KSR2: variants seen among roughly 807,000 people sequenced by gnomAD.
The protein encoded by KSR2 is kinase suppressor of ras 2.
KSR2 carries 25 observed loss-of-function variants against 107.8 expected under a neutral mutation model. That is an observed-to-expected ratio of 0.23 (90% CI 0.17 to 0.32). The LOEUF (loss-of-function observed/expected upper bound fraction) is 0.32. Among genes scored for constraint, KSR2 ranks in the 10% least tolerant of loss-of-function variants. The probability of loss-of-function intolerance (pLI) is 1.00; values close to 1 mark genes in which losing one functional copy is unlikely to be tolerated. For missense variants in KSR2, 887 were observed against 1,268.9 expected (o/e 0.70, Z 4.57); for synonymous variants, 480 against 507.0 (o/e 0.95, Z 0.71).
At chr12:117,616,161 G>A (rs80167347) in intron 5 of KSR2, among the ~76,000 whole-genome samples, 15,022 of 113,974 alleles carry the variant, frequency 0.13, 854 homozygotes, top group Admixed American at 0.21. Flanking sequence ...ACCCTGTCTC[G>A]AAAAAAAAAA....
intron 2 of KSR2, among the ~76,000 whole-genome samples, chr12:117,858,232 A>G (rs560903647): frequency 1.8e-4 from 27 of 152,306 alleles, no homozygotes; most frequent in African/African-American, 6.5e-4. Flanking sequence ...TCTAGAATCG[A>G]ATCGTTTCTA....
intron 1 of KSR2, among the ~76,000 whole-genome samples, chr12:117,919,474 A>C (rs1365040949): frequency 6.6e-6 from 1 of 152,246 alleles, no homozygotes; most frequent in African/African-American, 2.4e-5. Flanking sequence ...TCAAGGAAGC[A>C]TATGCTAGGC....
rs1196765235 is a variant in KSR2 at position 117,582,365 on chromosome 12, G to C, written c.1172-6C>G. The C allele has an allele frequency of 3.1e-6, 5 of 1,612,064 alleles. No individual in the cohort carries two copies. The highest frequency in any genetic ancestry group is 3.4e-6 in the Non-Finnish European group (4 of 1,178,496). On this transcript the variant is annotated splice_polypyrimidine_tract_variant and splice_region_variant and intron_variant, in intron 5 of 19. Coordinates refer to ENST00000339824, the MANE Select transcript of KSR2 (RefSeq NM_173598.6). ...GCGTGGCACTGACAGTGTGTCTACA[G>C]AGAGAAGAGAACAGCCTGTTACACA... is the stretch of plus-strand genomic sequence containing the variant.
intron 3 of KSR2, among the ~76,000 whole-genome samples, chr12:117,815,868 G>T (rs575618622): frequency 6.6e-6 from 1 of 151,968 alleles, no homozygotes; most frequent in African/African-American, 2.4e-5. Context: ...CCAGCTACTC[G>T]GGAGGCTGAG....
intron 1 of KSR2, among the ~76,000 whole-genome samples, chr12:117,915,094 A>G (rs1381019324): frequency 2.0e-5 from 3 of 152,232 alleles, no homozygotes; most frequent in Non-Finnish European, 2.9e-5. Flanking sequence ...TCTTACCCCA[A>G]AATGAAGATT....
Position 117,901,190 on chromosome 12 carries a change from C to T in KSR2, c.181-40759G>A, listed in dbSNP as rs73406640. Among the ~76,000 whole-genome samples, 649 of 152,026 alleles carry T rather than the reference C, an allele frequency of 4.3e-3. 9 individuals are homozygous for T. Among genetic ancestry groups the T allele is most frequent in the African/African-American group, 0.015 (624 of 41,466 alleles). The stretch of plus-strand genomic sequence containing the variant: ...GCAAAATGGGAGGCTGCCAAAAAAA[C>T]GCAGGAATATGATAAATAAACAATA... On this transcript the variant is annotated intron_variant, in intron 1 of 19. Transcript: ENST00000339824.
intron 1 of KSR2, among the ~76,000 whole-genome samples, chr12:117,944,756 G>A (rs988703838): frequency 6.6e-6 from 1 of 151,982 alleles, no homozygotes; most frequent in African/African-American, 2.4e-5. Context: ...TACTCAGAAG[G>A]CTGAAATGAG....
chr12:117,519,855 G>A (rs1022266639), intron 14 of KSR2, among the ~76,000 whole-genome samples: 1 of 152,032 alleles, frequency 6.6e-6, no homozygotes, highest in Non-Finnish European at 1.5e-5. Flanking sequence ...TATTGGAGAA[G>A]CACATAAACA....
intron 3 of KSR2, among the ~76,000 whole-genome samples, chr12:117,839,649 A>G (rs969617873): frequency 2.6e-5 from 4 of 152,200 alleles, no homozygotes; most frequent in Non-Finnish European, 5.9e-5. Flanking sequence ...ATAACTGCCC[A>G]ATGACTATGG....
intron 4 of KSR2, among the ~76,000 whole-genome samples, chr12:117,691,072 G>A (rs1284512046): frequency 6.6e-6 from 1 of 152,202 alleles, no homozygotes; most frequent in East Asian, 1.9e-4. Flanking sequence ...GGCTTCAAGT[G>A]GGACCCAGCA....
intron 1 of KSR2, among the ~76,000 whole-genome samples, chr12:117,909,078 C>T (rs868702345): frequency 2.6e-5 from 4 of 152,238 alleles, no homozygotes; most frequent in Middle Eastern, 3.4e-3. Flanking sequence ...GACCAATATG[C>T]GTGTCCTTAT....
intron 5 of KSR2, among the ~76,000 whole-genome samples, chr12:117,596,651 C>T (rs971793646): frequency 2.6e-5 from 4 of 152,216 alleles, no homozygotes; most frequent in African/African-American, 9.6e-5. Flanking sequence ...AACATCAGCG[C>T]AACAGAACCC....
intron 4 of KSR2, among the ~76,000 whole-genome samples, chr12:117,678,642 T>C (rs1348949060): frequency 6.6e-6 from 1 of 152,158 alleles, no homozygotes; most frequent in East Asian, 1.9e-4. Flanking sequence ...AGGAATATGG[T>C]TCCCCTATGG....
In KSR2 at chr12:117,459,738, T is replaced by A. The variant is rs1211746329; in HGVS notation, c.*7461A>T. 6.6e-6 allele frequency: 1 copy of A among 152,224 alleles called. No homozygotes were observed. The highest frequency in any genetic ancestry group is 6.5e-5 in the Admixed American group (1 of 15,280). The allele number at this position is 152,224 out of a possible 1,614,324, so 9.4% of individuals were successfully genotyped here. A position where few individuals can be genotyped will look rare whatever the true frequency, so the allele number is the denominator to read the frequency against. ...TTGACCCCTCCATTGGAAGACACCA[T>A]CAGCCAGATGTGGTGTTCTTGTTCA... On this transcript the variant is annotated 3_prime_UTR_variant, in exon 20 of 20. Coordinates refer to ENST00000339824, the MANE Select transcript of KSR2 (RefSeq NM_173598.6).
chr12:117,968,500 C>CT lies in KSR2; in HGVS notation c.-246dup. The CT allele has an allele frequency of 2.4e-6, 3 of 1,267,638 alleles. No individual in the cohort carries two copies. The highest frequency in any genetic ancestry group is 3.0e-6 in the Non-Finnish European group (3 of 1,012,220). The allele number at this position is 1,267,638 out of a possible 1,614,324, so 78.5% of individuals were successfully genotyped here. ...CTCCATTAGAATGTCTCCTCTCTCT[C>CT]TGAGTCTCTGGTCCCTGAAAAGGAG... On this transcript the variant is annotated 5_prime_UTR_variant, in exon 1 of 20. Transcript: ENST00000339824.
intron 5 of KSR2, among the ~76,000 whole-genome samples, chr12:117,622,384 AAAAG>A (rs1260600210): frequency 6.6e-6 from 1 of 152,170 alleles, no homozygotes; most frequent in African/African-American, 2.4e-5. Flanking sequence ...TCTGCAAAGC[AAAAG>A]AAAGAGTCTA....
intron 4 of KSR2, among the ~76,000 whole-genome samples, chr12:117,714,847 C>A (rs1886918283): frequency 6.6e-6 from 1 of 152,128 alleles, no homozygotes; most frequent in Non-Finnish European, 1.5e-5. Context: ...CACAGGACAG[C>A]CACCACCACG....
At chr12:117,834,003 T>C (rs922772799) in intron 3 of KSR2, among the ~76,000 whole-genome samples, 2 of 151,212 alleles carry the variant, frequency 1.3e-5, no homozygotes, top group Non-Finnish European at 2.9e-5. Context: ...TAGCCAGGTA[T>C]GGTGGCATAC....
intron 4 of KSR2, among the ~76,000 whole-genome samples, chr12:117,751,348 G>A (rs1056795799): frequency 3.9e-5 from 6 of 152,156 alleles, no homozygotes; most frequent in African/African-American, 1.4e-4. Context: ...AGCAGCGTGA[G>A]AACGGACTAA....
Sources: gnomAD v4.1 joint callset for allele counts (sites outside exome capture counted in the v4.1 genomes callset) on GRCh38, gnomAD v4.1.1 for gene constraint, MANE v1.5 for transcripts, NCBI Gene and HGNC (gene_info 2026-07-23, HGNC 2026-07-21) for gene names.